Variants in PXK observed in about 807,000 individuals in gnomAD.
PXK encodes the protein PX domain-containing protein kinase-like protein.
PXK carries 35 observed loss-of-function variants against 84.7 expected under a neutral mutation model. The ratio of observed to expected loss-of-function variants is 0.41; its 90% confidence interval spans 0.32 to 0.55. PXK has a LOEUF of 0.55. Among genes scored for constraint, PXK ranks in the 20% least tolerant of loss-of-function variants. The probability of loss-of-function intolerance (pLI) is 0.21; values close to 1 mark genes in which losing one functional copy is unlikely to be tolerated. For synonymous variants in PXK, 253 were observed against 260.8 expected (o/e 0.97, Z 0.29); for missense variants, 634 against 699.7 (o/e 0.91, Z 1.06).
intron 17 of PXK, chr3:58,422,668 C>A: frequency 1.0e-6 from 1 of 985,382 alleles, no homozygotes; most frequent in Non-Finnish European, 1.2e-6. Context: ...CTGGTAATGA[C>A]GCCAAAACCA....
At chr3:58,417,498 C>CCTT (rs1297782573) in intron 17 of PXK, among the ~76,000 whole-genome samples, 1 of 152,082 alleles carries the variant, frequency 6.6e-6, no homozygotes, top group Admixed American at 6.5e-5. Context: ...TCTGGGGGCT[C>CCTT]CTTCTTGAGG....
Position 58,409,098 on chromosome 3 carries a change from T to C in PXK, c.1308+97T>C. 1.1e-6 allele frequency: 1 copy of C among 924,142 alleles called. No individual in the cohort carries two copies. Among genetic ancestry groups the C allele is most frequent in the Non-Finnish European group, 1.7e-6 (1 of 592,054 alleles). 57.2% of individuals were successfully genotyped at this position (924,142 alleles called of 1,614,324 possible). On this transcript the variant is annotated intron_variant, in intron 14 of 17. Transcript: ENST00000356151. This position sits in a 1 kb window ranked among gnomAD's most constrained non-coding sequence, Gnocchi z 4.2. ...CTTTGACTGTTCCCTCTGCAAATATTTTAAGCATACTTACTCTCAGCCAGC... is the reference window on the plus strand; with the variant it reads ...CTTTGACTGTTCCCTCTGCAAATATCTTAAGCATACTTACTCTCAGCCAGC...
rs142055104 is a variant in PXK, at chr3:58,385,435, G to A, written c.388+2735G>A. On this transcript the variant is annotated intron_variant, in intron 4 of 17. Transcript: ENST00000356151. This position sits in a 1 kb window ranked among gnomAD's most constrained non-coding sequence, Gnocchi z 5.1. ...GACAGGACCATTCCTGAGATTCACA[G>A]CATGGCCCACGGAACATACCCTGCA... Among the ~76,000 whole-genome samples, 864 of 152,328 alleles carry A rather than the reference G, an allele frequency of 5.7e-3. 6 individuals are homozygous for A. The highest frequency in any genetic ancestry group is 0.027 in the East Asian group (138 of 5,186).
chr3:58,417,972 C>T, intron 17 of PXK, among the ~76,000 whole-genome samples: 1 of 152,196 alleles, frequency 6.6e-6, no homozygotes, highest in Middle Eastern at 3.4e-3. Context: ...GTGTGCACCA[C>T]CACCCTTGGC....
At position 58,391,763 on chromosome 3, in the gene PXK, A is replaced by G. The variant is rs1560041272; in HGVS notation, c.541-10A>G. On this transcript the variant is annotated splice_polypyrimidine_tract_variant and intron_variant, in intron 6 of 17. Transcript: ENST00000356151. ...AAACAGTACCCTGATATTCCCTTCC[A>G]TGTTTTCAGGCTGACCTTGGCCCAG... 1 of 1,610,634 alleles carries G rather than the reference A, an allele frequency of 6.2e-7. No individual in the cohort carries two copies.
intron 3 of PXK, among the ~76,000 whole-genome samples, chr3:58,377,751 C>T (rs1437137640): frequency 6.6e-6 from 1 of 152,146 alleles, no homozygotes; most frequent in Non-Finnish European, 1.5e-5. Flanking sequence ...CACAAACACA[C>T]TCTGAAGGAC....
chr3:58,424,696 G>T, intron 17 of PXK, 56 bp from the exon 18 acceptor site: 6 of 1,576,916 alleles, frequency 3.8e-6, no homozygotes, highest in Non-Finnish European at 5.2e-6. Flanking sequence ...GAGCAGCAGC[G>T]TGTGTGCAGG....
chr3:58,406,211 G>T (rs1002361399), intron 13 of PXK, among the ~76,000 whole-genome samples: 14 of 151,986 alleles, frequency 9.2e-5, no homozygotes, highest in Admixed American at 7.9e-4. Context: ...CACTCACCTC[G>T]GCCTCCCAAA....
chr3:58,402,401 C>T (rs998517556), intron 12 of PXK, among the ~76,000 whole-genome samples: 11 of 151,352 alleles, frequency 7.3e-5, no homozygotes, highest in Non-Finnish European at 1.3e-4. Flanking sequence ...GCCCAGGTCA[C>T]CCAGTTCATG....
chr3:58,352,011 G>A (rs1199053068), intron 1 of PXK, among the ~76,000 whole-genome samples: 1 of 152,218 alleles, frequency 6.6e-6, no homozygotes, highest in African/African-American at 2.4e-5. Flanking sequence ...CTGAAGGTGT[G>A]ATTTAGCAGG....
chr3:58,387,278 A>C (rs1483374902), intron 4 of PXK, among the ~76,000 whole-genome samples: 1 of 152,252 alleles, frequency 6.6e-6, no homozygotes, highest in African/African-American at 2.4e-5. Flanking sequence ...ACTAGAGGGC[A>C]GATGCCTTCC....
chr3:58,424,236 T>A (rs1486096666), intron 17 of PXK, among the ~76,000 whole-genome samples: 1 of 152,214 alleles, frequency 6.6e-6, no homozygotes, highest in Non-Finnish European at 1.5e-5. Context: ...GAGTGGTCTG[T>A]CATTTTACAT....
intron 1 of PXK, among the ~76,000 whole-genome samples, chr3:58,362,044 T>C (rs1219159585): frequency 1.3e-5 from 2 of 152,186 alleles, no homozygotes; most frequent in African/African-American, 2.4e-5. Context: ...TTCTGATAGG[T>C]GTATAGTGGC....
At chr3:58,361,607 C>T (rs751870570) in intron 1 of PXK, among the ~76,000 whole-genome samples, 11 of 152,114 alleles carry the variant, frequency 7.2e-5, no homozygotes, top group Non-Finnish European at 1.5e-4. Context: ...CAGTATATAA[C>T]CTTTCAAGAT....
rs144264998 is a variant in PXK, at chr3:58,420,430, G to A, written c.1529-4322G>A. ...TTCGAAGTGAGAATAATCAGCTTGT[G>A]ATTCAGACTAATATTTTACTGTCTG... On this transcript the variant is annotated intron_variant, in intron 17 of 17. Coordinates refer to ENST00000356151, the MANE Select transcript of PXK (RefSeq NM_017771.5). 3,259 of 1,370,328 alleles carry A rather than the reference G, an allele frequency of 2.4e-3. 8 individuals are homozygous for A. The highest frequency in any genetic ancestry group is 3.1e-3 in the Non-Finnish European group (3,066 of 997,710). The allele number at this position is 1,370,328 out of a possible 1,614,324, so 84.9% of individuals were successfully genotyped here.
chr3:58,407,680 G>A lies in PXK; in HGVS notation c.1231-1244G>A, dbSNP rs1040612075. 3.3e-4 allele frequency among the ~76,000 whole-genome samples: 50 copies of A among 152,002 alleles called. No individual in the cohort carries two copies. Among genetic ancestry groups the A allele is most frequent in the African/African-American group, 4.8e-5 (2 of 41,374 alleles). On this transcript the variant is annotated intron_variant, in intron 13 of 17. Coordinates refer to ENST00000356151, the MANE Select transcript of PXK (RefSeq NM_017771.5). The surrounding 1 kb of genome is among the most constrained non-coding windows in gnomAD (Gnocchi z 4.3). ...AGGTTCAAGTGATCTTCCTGCCTCA[G>A]CCTCCCAAGTAGATTACAGGCGTGC...
rs1285679253 is a variant in PXK at position 58,385,680 on chromosome 3, G to T, written c.388+2980G>T. Among the ~76,000 whole-genome samples, 1 of 152,130 alleles carries T rather than the reference G, an allele frequency of 6.6e-6. No individual in the cohort carries two copies. The highest frequency in any genetic ancestry group is 1.5e-5 in the Non-Finnish European group (1 of 68,022). On this transcript the variant is annotated intron_variant, in intron 4 of 17. Coordinates refer to ENST00000356151, the MANE Select transcript of PXK (RefSeq NM_017771.5). The surrounding 1 kb of genome is among the most constrained non-coding windows in gnomAD (Gnocchi z 5.1). ...TGCCCAGCTAATTTTTTCATTGTTT[G>T]TAGAGAGGGGGTTTCACTATGTTGA... is the stretch of plus-strand genomic sequence containing the variant.
chr3:58,376,998 G>A (rs1465675677), intron 3 of PXK, among the ~76,000 whole-genome samples: 2 of 152,164 alleles, frequency 1.3e-5, no homozygotes, highest in Admixed American at 6.5e-5. Context: ...TGGCTTGGAT[G>A]TGCAATAGCT....
chr3:58,418,120 C>CT (rs1239550455), intron 17 of PXK, among the ~76,000 whole-genome samples: 4 of 152,074 alleles, frequency 2.6e-5, no homozygotes, highest in African/African-American at 4.8e-5. Flanking sequence ...ACACCCAGCC[C>CT]TTTTTTTAAA....
Sources: gnomAD v4.1 joint callset for allele counts (sites outside exome capture counted in the v4.1 genomes callset) on GRCh38, gnomAD v4.1.1 for gene constraint, Gnocchi (gnomAD v3.1) non-coding constraint, MANE v1.5 for transcripts, NCBI Gene and HGNC (gene_info 2026-07-23, HGNC 2026-07-21) for gene names.